The following CELF4 variants were observed in gnomAD, a reference collection of about 807,000 sequenced individuals.
The protein encoded by CELF4 is CUGBP Elav-like family member 4, also known as CUG-BP- and ETR-3-like factor 4.
Under a neutral mutation model 59.9 loss-of-function variants are expected in CELF4, and 18 were observed. That is an observed-to-expected ratio of 0.30 (90% CI 0.21 to 0.45). The LOEUF (loss-of-function observed/expected upper bound fraction) is 0.45, where lower values mean the gene tolerates loss of function less well. Ranked by LOEUF, CELF4 falls within the 20% of genes least tolerant of loss-of-function variation. The pLI is 1.00. For synonymous variants in CELF4, 261 were observed against 267.1 expected (o/e 0.98, Z 0.22); for missense variants, 456 against 689.0 (o/e 0.66, Z 3.79).
At chr18:37,474,206 G>A (rs1407111804) in intron 2 of CELF4, among the ~76,000 whole-genome samples, 2 of 152,192 alleles carry the variant, frequency 1.3e-5, no homozygotes, top group Non-Finnish European at 2.9e-5. Flanking sequence ...GTGGAAGGGT[G>A]GCCACTTAGA....
intron 2 of CELF4, among the ~76,000 whole-genome samples, chr18:37,427,908 T>C (rs1603638578): frequency 6.6e-6 from 1 of 152,318 alleles, no homozygotes; most frequent in East Asian, 1.9e-4. Flanking sequence ...TCCCCAAATA[T>C]ATGCACAACT....
intron 2 of CELF4, among the ~76,000 whole-genome samples, chr18:37,447,733 T>G (rs9948984): frequency 0.57 from 87,306 of 152,140 alleles, 26,180 homozygotes; most frequent in East Asian, 0.83. Context: ...TTTCTGATTC[T>G]TACCTGCCCT....
intron 1 of CELF4, among the ~76,000 whole-genome samples, chr18:37,531,749 C>T (rs1378318264): frequency 6.6e-6 from 1 of 152,090 alleles, no homozygotes; most frequent in East Asian, 1.9e-4. Flanking sequence ...GCCGTTCCAT[C>T]ATGGTTTTCA....
At chr18:37,431,590 T>G (rs1307459560) in intron 2 of CELF4, among the ~76,000 whole-genome samples, 2 of 152,092 alleles carry the variant, frequency 1.3e-5, no homozygotes, top group African/African-American at 4.8e-5. Context: ...GGGATGGTCT[T>G]GATCTCCTGA....
At chr18:37,383,119 G>C (rs1234627049) in intron 2 of CELF4, among the ~76,000 whole-genome samples, 1 of 152,122 alleles carries the variant, frequency 6.6e-6, no homozygotes, top group African/African-American at 2.4e-5. Flanking sequence ...CAACTCCTGG[G>C]CTCAAGCCAT....
intron 3 of CELF4, among the ~76,000 whole-genome samples, chr18:37,298,342 G>C (rs992127881): frequency 6.6e-6 from 1 of 152,196 alleles, no homozygotes; most frequent in African/African-American, 2.4e-5. Context: ...ACTGTCCTCT[G>C]TGTCCACACA....
intron 1 of CELF4, among the ~76,000 whole-genome samples, chr18:37,530,393 C>T (rs972823850): frequency 3.3e-5 from 5 of 152,062 alleles, no homozygotes; most frequent in South Asian, 2.1e-4. Flanking sequence ...GCCATCACCC[C>T]GTGCTTTTCT....
At position 37,440,383 on chromosome 18, in the gene CELF4, G is replaced by T. The variant is rs144668275; in HGVS notation, c.369+45142C>A. 5.1e-4 allele frequency among the ~76,000 whole-genome samples: 78 copies of T among 152,308 alleles called. 1 individual carries two copies. In the East Asian group the frequency reaches 0.014, roughly 27 times the overall value. On this transcript the variant is annotated intron_variant, in intron 2 of 12. Transcript: ENST00000420428. ...CCATTCAGCCCCACCAGGCCTTGCT[G>T]GCCATGGCTGGGTGCCCAGTTTGTC...
intron 12 of CELF4, among the ~76,000 whole-genome samples, chr18:37,248,930 T>C (rs1236643201): frequency 6.9e-6 from 1 of 144,998 alleles, no homozygotes; most frequent in Non-Finnish European, 1.5e-5. Flanking sequence ...AGACTTTCAC[T>C]CTCAGCTTTA....
intron 1 of CELF4, among the ~76,000 whole-genome samples, chr18:37,490,488 A>G (rs1365627388): frequency 2.0e-5 from 3 of 152,268 alleles, no homozygotes; most frequent in Admixed American, 6.5e-5. Flanking sequence ...GAGGAGACAA[A>G]GATCATTGCA....
intron 8 of CELF4, among the ~76,000 whole-genome samples, chr18:37,268,960 G>C (rs1025861533): frequency 3.3e-5 from 5 of 152,150 alleles, no homozygotes; most frequent in African/African-American, 1.2e-4. Context: ...ACAAATAGGG[G>C]AAGAAACATT....
intron 1 of CELF4, among the ~76,000 whole-genome samples, chr18:37,496,434 C>G (rs1336769454): frequency 6.6e-6 from 1 of 152,208 alleles, no homozygotes; most frequent in African/African-American, 2.4e-5. Context: ...GCACTCAGGA[C>G]CTGCCTGGTG....
intron 3 of CELF4, 126 bp from the exon 4 acceptor site, chr18:37,275,369 C>A: frequency 1.1e-5 from 1 of 92,332 alleles, no homozygotes; most frequent in Admixed American, 1.5e-4. Context: ...GGCTCGGAGC[C>A]GGCGGGGGAG....
chr18:37,524,761 C>T (rs981560236), intron 1 of CELF4, among the ~76,000 whole-genome samples: 1 of 152,196 alleles, frequency 6.6e-6, no homozygotes, highest in African/African-American at 2.4e-5. Flanking sequence ...AGCCGAACAT[C>T]CCCCGAGCCG....
intron 1 of CELF4, among the ~76,000 whole-genome samples, chr18:37,503,486 A>G (rs551696793): frequency 3.9e-5 from 6 of 152,266 alleles, no homozygotes; most frequent in African/African-American, 1.4e-4. Flanking sequence ...TTCCTCCCTC[A>G]GAAGAGCCCC....
chr18:37,267,496 T>C (rs931099430), intron 8 of CELF4, among the ~76,000 whole-genome samples: 2 of 152,110 alleles, frequency 1.3e-5, no homozygotes, highest in Non-Finnish European at 2.9e-5. Context: ...TGGGCTGGCT[T>C]TGGAAGCCCA....
At chr18:37,335,137 G>A (rs910171020) in intron 2 of CELF4, among the ~76,000 whole-genome samples, 1 of 151,932 alleles carries the variant, frequency 6.6e-6, no homozygotes, top group African/African-American at 2.4e-5. Flanking sequence ...CTTCCAACAG[G>A]CTAATGACGA....
At chr18:37,343,915 C>T (rs893612414) in intron 2 of CELF4, among the ~76,000 whole-genome samples, 1 of 152,158 alleles carries the variant, frequency 6.6e-6, no homozygotes, top group Non-Finnish European at 1.5e-5. Context: ...GTTCTTCCCT[C>T]CCTCCTTCAC....
chr18:37,336,909 C>T (rs2097789152), intron 2 of CELF4, among the ~76,000 whole-genome samples: 1 of 152,172 alleles, frequency 6.6e-6, no homozygotes, highest in Non-Finnish European at 1.5e-5. Flanking sequence ...CCCGGCGGGG[C>T]TGCCGGGCTG....
Sources: gnomAD v4.1 joint callset for allele counts (sites outside exome capture counted in the v4.1 genomes callset) on GRCh38, gnomAD v4.1.1 for gene constraint, MANE v1.5 for transcripts, NCBI Gene and HGNC (gene_info 2026-07-23, HGNC 2026-07-21) for gene names.